The following FREM2 variants were observed in gnomAD, a reference collection of about 807,000 sequenced individuals.
FREM2 encodes the protein FRAS1 related extracellular matrix 2, also known as FRAS1-related extracellular matrix protein 2.
A neutral mutation model predicts 219.9 loss-of-function variants in FREM2; 119 were observed. The ratio of observed to expected loss-of-function variants is 0.54; its 90% CI spans 0.47 to 0.63. The LOEUF (loss-of-function observed/expected upper bound fraction) is 0.63, where lower values mean the gene tolerates loss of function less well. FREM2 is among the 30% of genes least tolerant of loss of function. FREM2 has a pLI of 0.00. For missense variants in FREM2, 4,030 were observed against 3,993.6 expected, an observed-to-expected ratio of 1.01 and a Z score of -0.25; for synonymous variants, 1,562 against 1,522.8, an observed-to-expected ratio of 1.03 and a Z score of -0.60.
Position 38,723,225 on chromosome 13 carries a change from C to T in FREM2, c.5263+25438C>T, listed in dbSNP as rs146960756. Among the ~76,000 whole-genome samples, 327 of 150,998 alleles carry T rather than the reference C, an allele frequency of 2.2e-3. 1 individual carries two copies. Among genetic ancestry groups the T allele is most frequent in the African/African-American group, 7.0e-3 (286 of 41,114 alleles). ...ACTCCAGCCTGGGCAACAGAGCATG[C>T]GCCATCTTAAAAAAATAAAAATAAA... On this transcript the variant is annotated intron_variant, in intron 2 of 23. Transcript: ENST00000280481.
chr13:38,811,390 T>C (rs1043207620), intron 6 of FREM2, among the ~76,000 whole-genome samples: 27 of 152,116 alleles, frequency 1.8e-4, no homozygotes, highest in African/African-American at 6.5e-4. Context: ...CATGAATTAT[T>C]AGGTTATTTA....
rs543430111 is a variant in FREM2, at chr13:38,691,559, C to A, written c.4215C>A (p.Leu1405=). 9.3e-6 allele frequency: 15 copies of A among 1,614,176 alleles called. No homozygotes were observed. The Middle Eastern group carries it at 4.9e-4, about 53-fold the overall frequency. The change falls in exon 1 of 24, where the codon CTC becomes CTA. Residue 1405 remains leucine (L), a synonymous_variant. Transcript: ENST00000280481. ...KFDVTDGINP[L]IDRYFYVSIG... is the part of the protein sequence containing the mutation. ...ATGTGACTGATGGAATAAATCCCCT[C>A]ATAGATCGTTACTTTTATGTGTCCA...
chr13:38,849,486 G>A (rs890617188), intron 8 of FREM2, among the ~76,000 whole-genome samples: 3 of 152,138 alleles, frequency 2.0e-5, no homozygotes, highest in South Asian at 2.1e-4. Flanking sequence ...ACCCTCTGCT[G>A]GACACATGGC....
At chr13:38,784,433 A>G in intron 5 of FREM2, 124 bp from the exon 6 acceptor site, 2 of 985,920 alleles carry the variant, frequency 2.0e-6, no homozygotes, top group Non-Finnish European at 3.1e-6. Context: ...TTGCTATTGC[A>G]GTTCTAGGGG....
At chr13:38,773,534 G>A (rs1467204392) in intron 4 of FREM2, among the ~76,000 whole-genome samples, 1 of 152,098 alleles carries the variant, frequency 6.6e-6, no homozygotes, top group African/African-American at 2.4e-5. Flanking sequence ...AGTATTAGAG[G>A]TACACACCAC....
intron 6 of FREM2, among the ~76,000 whole-genome samples, chr13:38,786,106 TA>T (rs1449455003): frequency 6.6e-6 from 1 of 152,178 alleles, no homozygotes; most frequent in Non-Finnish European, 1.5e-5. Flanking sequence ...TGTAATGTAT[TA>T]TTGTTAACTA....
intron 2 of FREM2, among the ~76,000 whole-genome samples, chr13:38,702,084 T>C (rs555821959): frequency 6.6e-6 from 1 of 152,232 alleles, no homozygotes; most frequent in East Asian, 1.9e-4. Flanking sequence ...AGTAGACCCT[T>C]TGCATTCCTT....
At chr13:38,754,404 A>G (rs7318271) in intron 2 of FREM2, among the ~76,000 whole-genome samples, 21,302 of 152,092 alleles carry the variant, frequency 0.14, 1,659 homozygotes, top group East Asian at 0.25. Context: ...AATTAGAATT[A>G]AGCTAGAATA....
chr13:38,832,560 A>G (rs1010279121), intron 6 of FREM2, among the ~76,000 whole-genome samples: 1 of 152,108 alleles, frequency 6.6e-6, no homozygotes. Context: ...AAAATAAACT[A>G]TGTAGTTTAT....
intron 2 of FREM2, among the ~76,000 whole-genome samples, chr13:38,713,177 A>G (rs1870850101): frequency 6.6e-6 from 1 of 152,160 alleles, no homozygotes; most frequent in African/African-American, 2.4e-5. Context: ...AAATTCCTCC[A>G]CAGTGCTTCA....
intron 15 of FREM2, among the ~76,000 whole-genome samples, chr13:38,863,111 G>A (rs559004525): frequency 2.2e-4 from 34 of 152,112 alleles, no homozygotes; most frequent in South Asian, 4.2e-4. Context: ...GTGCAGTAGC[G>A]CGATCTCAGC....
At position 38,691,400 on chromosome 13, in the gene FREM2, A is replaced by T; in HGVS notation, c.4056A>T (p.Leu1352Phe). 6.2e-7 allele frequency: 1 copy of T among 1,614,202 alleles called. No individual in the cohort carries two copies. Among genetic ancestry groups the T allele is most frequent in the Non-Finnish European group, 8.5e-7 (1 of 1,180,014 alleles). ...IIRYGPGHGL[L>F]QRRKPTGAFE... The stretch of plus-strand genomic sequence containing the variant: ...GTTATGGGCCAGGACATGGCTTATT[A>T]CAGAGACGAAAACCTACTGGTGCCT... The change falls in exon 1 of 24, where the codon TTA becomes TTT. Residue 1352 changes from leucine to phenylalanine, a missense_variant. Leu to Phe is a conservative substitution (Grantham distance 22). Around this residue, in one of 2 missense-constraint regions of FREM2, gnomAD observed 3,102 missense variants for 2,950.7 expected, o/e 1.05. Coordinates refer to ENST00000280481, the MANE Select transcript of FREM2 (RefSeq NM_207361.6).
At chr13:38,828,155 C>T (rs1290133997) in intron 6 of FREM2, among the ~76,000 whole-genome samples, 1 of 152,066 alleles carries the variant, frequency 6.6e-6, no homozygotes, top group Admixed American at 6.6e-5. Context: ...ATTCCAAAGG[C>T]AGGCTGTCTT....
chr13:38,848,725 G>T (rs1205727656), intron 8 of FREM2, 55 bp downstream of exon 8: 2 of 1,409,708 alleles, frequency 1.4e-6, no homozygotes, highest in Non-Finnish European at 2.0e-6. Flanking sequence ...ATAAGCTAAG[G>T]TTTATGTATA....
chr13:38,877,103 A>G lies in FREM2; in HGVS notation c.8545-14A>G, dbSNP rs1223277760. On this transcript the variant is annotated splice_polypyrimidine_tract_variant and intron_variant, in intron 20 of 23. Coordinates refer to ENST00000280481, the MANE Select transcript of FREM2 (RefSeq NM_207361.6). Reference sequence around the variant, plus strand: ...ACCACTGATGCATAAAAGAACTTTTACCTTTGGTTTTAGGTCAGTGATCCA... The same window carrying G: ...ACCACTGATGCATAAAAGAACTTTTGCCTTTGGTTTTAGGTCAGTGATCCA... 18 of 1,613,916 alleles carry G rather than the reference A, an allele frequency of 1.1e-5. No homozygotes were observed. Among genetic ancestry groups the G allele is most frequent in the African/African-American group, 2.7e-5 (2 of 74,910 alleles).
intron 2 of FREM2, among the ~76,000 whole-genome samples, chr13:38,731,061 T>C (rs1314980111): frequency 6.6e-6 from 1 of 152,206 alleles, no homozygotes; most frequent in Non-Finnish European, 1.5e-5. Flanking sequence ...TTAATGCTCA[T>C]TGTTCAATTT....
chr13:38,760,123 A>C (rs999618736), intron 2 of FREM2, among the ~76,000 whole-genome samples: 7 of 152,210 alleles, frequency 4.6e-5, no homozygotes, highest in Non-Finnish European at 1.0e-4. Flanking sequence ...TATAGACTGC[A>C]TATTTTCTAG....
Position 38,861,648 on chromosome 13 carries a change from A to G in FREM2, c.7651+86A>G, listed in dbSNP as rs936947763. The G allele has an allele frequency of 1.2e-5, 18 of 1,464,670 alleles. No homozygotes were observed. In the African/African-American group the frequency reaches 2.1e-4, roughly 17 times the overall value. 90.7% of individuals were successfully genotyped at this position (1,464,670 alleles called of 1,614,324 possible). A position where few individuals can be genotyped will look rare whatever the true frequency, so the allele number is the denominator to read the frequency against. ...TTTTCCTTCATCTTCTAAATAACCA[A>G]GCTTAAATAAACGTTCAATTTGCAA... On this transcript the variant is annotated intron_variant, in intron 15 of 23. Transcript: ENST00000280481.
In FREM2 at chr13:38,716,797, C is replaced by T. The variant is rs184186783; in HGVS notation, c.5263+19010C>T. Among the ~76,000 whole-genome samples the T allele has an allele frequency of 8.5e-4, 130 of 152,322 alleles. 1 individual carries two copies. Among genetic ancestry groups the T allele is most frequent in the African/African-American group, 2.7e-3 (113 of 41,572 alleles). On this transcript the variant is annotated intron_variant, in intron 2 of 23. Coordinates refer to ENST00000280481, the MANE Select transcript of FREM2 (RefSeq NM_207361.6). ...TGCTGGGATTATAGGCGTGAGCCAC[C>T]GCGCCTGGCCTGCTCTTTCTTATCT... is the stretch of plus-strand genomic sequence containing the variant.
Sources: gnomAD v4.1 joint callset for allele counts (sites outside exome capture counted in the v4.1 genomes callset) on GRCh38, gnomAD v4.1.1 for gene constraint, gnomAD v4.1.1 regional missense constraint, MANE v1.5 for transcripts, NCBI Gene and HGNC (gene_info 2026-07-23, HGNC 2026-07-21) for gene names.